ENTHD1: variants seen among roughly 807,000 people sequenced by gnomAD.
ENTHD1 encodes ENTH domain-containing protein 1.
Under a neutral mutation model 39.1 loss-of-function variants are expected in ENTHD1, and 23 were observed. The observed-to-expected ratio is 0.59, with a 90% CI of 0.42 to 0.83. ENTHD1 has a LOEUF of 0.83. Ranked by LOEUF, ENTHD1 falls within the 40% of genes least tolerant of loss-of-function variation. ENTHD1 has a pLI of 0.00. For missense variants in ENTHD1, 624 were observed against 705.4 expected, an observed-to-expected ratio of 0.88 and a Z score of 1.31; for synonymous variants, 230 against 258.2, an observed-to-expected ratio of 0.89 and a Z score of 1.05.
intron 5 of ENTHD1, among the ~76,000 whole-genome samples, chr22:39,805,214 G>C (rs1423915960): frequency 6.6e-6 from 1 of 152,204 alleles, no homozygotes; most frequent in Non-Finnish European, 1.5e-5. Flanking sequence ...ATTTCTATTT[G>C]TTTCCCAGGT....
At chr22:39,764,975 A>G (rs368002882) in intron 6 of ENTHD1, among the ~76,000 whole-genome samples, 1 of 152,160 alleles carries the variant, frequency 6.6e-6, no homozygotes, top group African/African-American at 2.4e-5. Flanking sequence ...AATTGCTCAG[A>G]TCTTATATTC....
At position 39,821,093 on chromosome 22, in the gene ENTHD1, A is replaced by G. The variant is rs769007786; in HGVS notation, c.732T>C (p.Asp244=). The change falls in exon 5 of 7, where the codon GAT becomes GAC. Residue 244 remains aspartate, a synonymous_variant. Transcript: ENST00000325157. Reference sequence around the variant, plus strand: ...CTAGTAAAGGCAGCTCTGGATCATCATCCAAAAATGTCATCAGGTCCTGAC... The same window carrying G: ...CTAGTAAAGGCAGCTCTGGATCATCGTCCAAAAATGTCATCAGGTCCTGAC... ...KSTEDLMTFL[D]DDPELPLLAT... The G allele has an allele frequency of 1.2e-6, 2 of 1,614,126 alleles. No individual in the cohort carries two copies. Among genetic ancestry groups the G allele is most frequent in the Middle Eastern group, 1.6e-4 (1 of 6,062 alleles).
At chr22:39,762,416 A>AT (rs113598684) in intron 6 of ENTHD1, among the ~76,000 whole-genome samples, 3,173 of 144,844 alleles carry the variant, frequency 0.022, 46 homozygotes, top group Admixed American at 0.035. Context: ...TTTTCATTTG[A>AT]TTTTTTTTTT....
chr22:39,852,771 G>T (rs1024620640), intron 3 of ENTHD1, among the ~76,000 whole-genome samples: 2 of 152,138 alleles, frequency 1.3e-5, no homozygotes, highest in Non-Finnish European at 2.9e-5. Flanking sequence ...AATCTTATGG[G>T]ACCAGTATCA....
chr22:39,835,660 C>T (rs2065902830), intron 4 of ENTHD1, among the ~76,000 whole-genome samples, 180 bp downstream of exon 4: 1 of 152,080 alleles, frequency 6.6e-6, no homozygotes, highest in African/African-American at 2.4e-5. Flanking sequence ...AAACCCAAAA[C>T]ATAAAAACAC....
At chr22:39,832,651 G>C (rs1396783636) in intron 4 of ENTHD1, among the ~76,000 whole-genome samples, 1 of 152,142 alleles carries the variant, frequency 6.6e-6, no homozygotes, top group Non-Finnish European at 1.5e-5. Flanking sequence ...ACTGCAGAAA[G>C]AACAGCAAGT....
At chr22:39,787,141 C>T (rs1209474086) in intron 5 of ENTHD1, among the ~76,000 whole-genome samples, 4 of 152,048 alleles carry the variant, frequency 2.6e-5, no homozygotes, top group African/African-American at 9.7e-5. Flanking sequence ...CCTTAGATTC[C>T]TTAGATTTTT....
At chr22:39,750,323 A>T (rs960721431) in intron 6 of ENTHD1, 5 of 174,142 alleles carry the variant, frequency 2.9e-5, no homozygotes, top group Non-Finnish European at 5.1e-5. Context: ...TCTTTTGCTG[A>T]TATTTTGTGT....
In ENTHD1 at chr22:39,747,286, C is replaced by T. The variant is rs149951198; in HGVS notation, c.1220-3003G>A. ...ACCTCTGTGAGCCACTGTGCCCCCTCAAATAGTTGTTTTTAAATTCTCTTT... is the reference window on the plus strand; with the variant it reads ...ACCTCTGTGAGCCACTGTGCCCCCTTAAATAGTTGTTTTTAAATTCTCTTT... On this transcript the variant is annotated intron_variant, in intron 6 of 6. Transcript: ENST00000325157. 1.2e-3 allele frequency among the ~76,000 whole-genome samples: 187 copies of T among 152,262 alleles called. 3 individuals are homozygous for T. The East Asian group carries it at 0.033, about 27-fold the overall frequency.
intron 2 of ENTHD1, among the ~76,000 whole-genome samples, chr22:39,883,173 A>G (rs1018430150): frequency 3.3e-5 from 5 of 151,728 alleles, no homozygotes; most frequent in South Asian, 2.1e-4. Context: ...CAACAAATGA[A>G]TGCACTATGC....
chr22:39,759,584 A>AT (rs2065213787), intron 6 of ENTHD1, among the ~76,000 whole-genome samples: 1 of 151,676 alleles, frequency 6.6e-6, no homozygotes, highest in Non-Finnish European at 1.5e-5. Context: ...ATTTATTCTT[A>AT]TTTTTGTTGT....
chr22:39,814,368 G>A (rs1315251433), intron 5 of ENTHD1, among the ~76,000 whole-genome samples: 3 of 151,932 alleles, frequency 2.0e-5, no homozygotes, highest in African/African-American at 4.8e-5. Context: ...GCTGAGGTGG[G>A]AGAATCACCT....
At chr22:39,836,046 C>A in intron 3 of ENTHD1, 88 bp from the exon 4 acceptor site, 1 of 890,912 alleles carries the variant, frequency 1.1e-6, no homozygotes, top group South Asian at 2.2e-5. Context: ...TTAATCACTT[C>A]TGAAGATACC....
At chr22:39,757,609 A>G (rs1252283881) in intron 6 of ENTHD1, among the ~76,000 whole-genome samples, 1 of 151,852 alleles carries the variant, frequency 6.6e-6, no homozygotes, top group Non-Finnish European at 1.5e-5. Flanking sequence ...TCCAGGAGGT[A>G]GAGGTTGCAG....
chr22:39,875,339 G>T, intron 2 of ENTHD1: 2 of 1,341,630 alleles, frequency 1.5e-6, no homozygotes, highest in Non-Finnish European at 1.9e-6. Context: ...CGTCCTGTCG[G>T]CCACGTCCCG....
chr22:39,781,585 C>A (rs1027672714), intron 5 of ENTHD1, among the ~76,000 whole-genome samples: 1 of 152,018 alleles, frequency 6.6e-6, no homozygotes, highest in African/African-American at 2.4e-5. Context: ...AACAACCTAA[C>A]AAGGCACCTC....
At chr22:39,775,697 G>C (rs928498882) in intron 5 of ENTHD1, among the ~76,000 whole-genome samples, 1 of 152,182 alleles carries the variant, frequency 6.6e-6, no homozygotes, top group Non-Finnish European at 1.5e-5. Context: ...ACTCCTGGAG[G>C]TGCAGGACCG....
rs769174429 is a variant in ENTHD1, at chr22:39,887,715, T to G, written c.34A>C (p.Lys12Gln). 1.6e-5 allele frequency: 26 copies of G among 1,585,704 alleles called. No homozygotes were observed. The highest frequency in any genetic ancestry group is 2.1e-5 in the Non-Finnish European group (25 of 1,168,216). Residue 12 changes from lysine to glutamine, a missense_variant, in exon 2 of 7, where the codon AAA becomes CAA. By Grantham distance (53) the Lys-to-Gln change is moderately conservative. Transcript: ENST00000325157. ...AFRRQVKNFVKNYSDAEIKVR... is the reference protein window; with the variant it reads ...AFRRQVKNFVQNYSDAEIKVR... ...TTTATTTCAGCATCTGAGTAATTTT[T>G]CACAAAGTTTTTCACTTGTCTCCTG...
At position 39,817,617 on chromosome 22, in the gene ENTHD1, C is replaced by G. The variant is rs527563716; in HGVS notation, c.832+3376G>C. Among the ~76,000 whole-genome samples the G allele has an allele frequency of 2.0e-3, 311 of 152,222 alleles. 2 individuals carry two copies. Among genetic ancestry groups the G allele is most frequent in the African/African-American group, 7.1e-3 (293 of 41,530 alleles). ...GAGGGGACTGTGTTGGGGTAAGGGA[C>G]AGTCAAGGGAGCTTTTGACTTTCTC... On this transcript the variant is annotated intron_variant, in intron 5 of 6. Coordinates refer to ENST00000325157, the MANE Select transcript of ENTHD1 (RefSeq NM_152512.4).
Sources: allele counts gnomAD v4.1 joint callset (sites outside exome capture counted in the v4.1 genomes callset), GRCh38; gene constraint gnomAD v4.1.1; transcripts MANE v1.5; gene names NCBI Gene and HGNC (gene_info 2026-07-23, HGNC 2026-07-21).